TPST2: variants seen among roughly 807,000 people sequenced by gnomAD.
TPST2 encodes tyrosylprotein sulfotransferase 2.
Under a neutral mutation model 27.8 loss-of-function variants are expected in TPST2, and 16 were observed. That is an observed-to-expected ratio of 0.58 (90% CI 0.39 to 0.88). The LOEUF (loss-of-function observed/expected upper bound fraction) is 0.88, where lower values mean the gene tolerates loss of function less well. Among genes scored for constraint, TPST2 ranks in the 40% least tolerant of loss-of-function variants. The pLI is 0.00. For synonymous variants in TPST2, 229 were observed against 231.7 expected (o/e 0.99, Z 0.10); for missense variants, 464 against 543.1 (o/e 0.85, Z 1.45).
chr22:26,528,654 C>G (rs1420059654), intron 5 of TPST2, among the ~76,000 whole-genome samples: 2 of 152,128 alleles, frequency 1.3e-5, no homozygotes, highest in Non-Finnish European at 2.9e-5. Context: ...GTTCCTGGCA[C>G]ATAGCTCCCC....
At chr22:26,570,053 A>AAGACAGAC (rs1569193966) in intron 1 of TPST2, among the ~76,000 whole-genome samples, 14 of 131,614 alleles carry the variant, frequency 1.1e-4, no homozygotes, top group South Asian at 2.5e-4. Flanking sequence ...GACAGAAAGA[A>AAGACAGAC]AGAAAGAAAG....
chr22:26,546,791 A>G (rs73421364), intron 1 of TPST2, among the ~76,000 whole-genome samples: 2,071 of 152,342 alleles, frequency 0.014, 40 homozygotes, highest in African/African-American at 0.047. Context: ...GGGTAGGCCA[A>G]TGATGGCCCA....
At chr22:26,537,055 C>CAA (rs35028987) in intron 3 of TPST2, among the ~76,000 whole-genome samples, 8,727 of 145,504 alleles carry the variant, frequency 0.06, 299 homozygotes, top group Middle Eastern at 0.083. Context: ...GACCCTGTCT[C>CAA]AAAAAAAAAA....
chr22:26,554,907 C>T (rs1176759367), intron 1 of TPST2, among the ~76,000 whole-genome samples: 1 of 151,342 alleles, frequency 6.6e-6, no homozygotes, highest in African/African-American at 2.4e-5. Context: ...CACTGCACTC[C>T]AGCCTGGGTG....
chr22:26,528,214 C>CT lies in TPST2; in HGVS notation c.*6dup. 6.4e-7 allele frequency: 1 copy of CT among 1,561,304 alleles called. No homozygotes were observed. The highest frequency in any genetic ancestry group is 8.7e-7 in the Non-Finnish European group (1 of 1,151,172). On this transcript the variant is annotated splice_region_variant and 3_prime_UTR_variant, in exon 6 of 7. Coordinates refer to ENST00000338754, the MANE Select transcript of TPST2 (RefSeq NM_003595.5). ...CCCCCAGTGAAGTCCACAGGCTTAC[C>CT]TGGAAATCACGAGCTTCCTAAGTGG...
chr22:26,581,943 G>A (rs1928130914), intron 1 of TPST2, among the ~76,000 whole-genome samples: 1 of 152,180 alleles, frequency 6.6e-6, no homozygotes, highest in South Asian at 2.1e-4. Context: ...AATAAGCATA[G>A]CTGTGTTCCG....
rs1569172388 is a variant in TPST2, at chr22:26,522,699, A to C, written c.*3576T>G. 1 of 152,276 alleles carries C rather than the reference A, an allele frequency of 6.6e-6. No individual in the cohort carries two copies. The highest frequency in any genetic ancestry group is 1.5e-5 in the Non-Finnish European group (1 of 68,080). 9.4% of individuals were successfully genotyped at this position (152,276 alleles called of 1,614,324 possible). On this transcript the variant is annotated 3_prime_UTR_variant, in exon 7 of 7. Transcript: ENST00000338754. Reference sequence around the variant, plus strand: ...CTGCTAACAGCCTAAGGGCCTAGCCAAAGTGGAATGCTCAAAAAAGATGGT... The same window carrying C: ...CTGCTAACAGCCTAAGGGCCTAGCCCAAGTGGAATGCTCAAAAAAGATGGT...
chr22:26,568,664 T>G (rs2147228077), intron 1 of TPST2, among the ~76,000 whole-genome samples: 1 of 152,266 alleles, frequency 6.6e-6, no homozygotes, highest in East Asian at 1.9e-4. Flanking sequence ...GAAGTTACCC[T>G]ATATGGTCTA....
At chr22:26,538,500 T>G (rs1925607768) in intron 3 of TPST2, among the ~76,000 whole-genome samples, 1 of 152,178 alleles carries the variant, frequency 6.6e-6, no homozygotes. Context: ...TGGCAATCCG[T>G]GTAGCAGCCT....
At chr22:26,565,009 C>T (rs1266076221) in intron 1 of TPST2, among the ~76,000 whole-genome samples, 1 of 152,138 alleles carries the variant, frequency 6.6e-6, no homozygotes, top group Non-Finnish European at 1.5e-5. Flanking sequence ...TCTGCAGACC[C>T]CCCACTGAGA....
At chr22:26,577,956 G>A (rs1927923689) in intron 1 of TPST2, among the ~76,000 whole-genome samples, 1 of 152,032 alleles carries the variant, frequency 6.6e-6, no homozygotes, top group Non-Finnish European at 1.5e-5. Context: ...GCCTGGCCGA[G>A]TTTCATTTCT....
chr22:26,548,985 G>A (rs748773738), intron 1 of TPST2, among the ~76,000 whole-genome samples: 1 of 152,068 alleles, frequency 6.6e-6, no homozygotes, highest in Non-Finnish European at 1.5e-5. Flanking sequence ...AAAAAAATCT[G>A]AAATCCAAAA....
intron 1 of TPST2, among the ~76,000 whole-genome samples, chr22:26,576,206 A>G (rs2147236077): frequency 6.6e-6 from 1 of 152,172 alleles, no homozygotes; most frequent in East Asian, 1.9e-4. Flanking sequence ...ATGGGGCTCC[A>G]CCCCATATGC....
At chr22:26,582,411 G>A (rs940264236) in intron 1 of TPST2, among the ~76,000 whole-genome samples, 2 of 152,056 alleles carry the variant, frequency 1.3e-5, no homozygotes, top group Non-Finnish European at 2.9e-5. Context: ...TGGGCAACAA[G>A]ATCGAAACTC....
chr22:26,548,835 G>C (rs937895629), intron 1 of TPST2, among the ~76,000 whole-genome samples: 18 of 151,930 alleles, frequency 1.2e-4, no homozygotes, highest in African/African-American at 4.4e-4. Flanking sequence ...AGGTGTGGTG[G>C]TGCTTGCCTG....
chr22:26,563,908 AC>A (rs1325091060), intron 1 of TPST2, among the ~76,000 whole-genome samples: 1 of 152,034 alleles, frequency 6.6e-6, no homozygotes, highest in Non-Finnish European at 1.5e-5. Context: ...CATGCACAAT[AC>A]GATTTGAGAA....
chr22:26,560,572 A>G, intron 1 of TPST2: 2 of 890,796 alleles, frequency 2.2e-6, no homozygotes, highest in South Asian at 2.6e-5. Flanking sequence ...ATGTCATCAC[A>G]TGCATTTTTT....
intron 4 of TPST2, among the ~76,000 whole-genome samples, chr22:26,535,616 A>G (rs780145020): frequency 6.6e-6 from 1 of 152,162 alleles, no homozygotes; most frequent in Non-Finnish European, 1.5e-5. Flanking sequence ...CCGCCTTTAT[A>G]AAAATTAAAA....
Position 26,539,759 on chromosome 22 carries a change from ACC to A in TPST2, c.842+1028_842+1029del, listed in dbSNP as rs533251452. Among the ~76,000 whole-genome samples, 1,397 of 152,158 alleles carry A rather than the reference ACC, an allele frequency of 9.2e-3. 21 individuals carry two copies. The highest frequency in any genetic ancestry group is 0.032 in the African/African-American group (1,322 of 41,510). On this transcript the variant is annotated intron_variant, in intron 3 of 6. Transcript: ENST00000338754. ...ACTCCAGCCTGGGCAACAGAGTGAA[ACC>A]CTGTCTCAAAAAAACAAAAACAAAA...
Sources: gnomAD v4.1 joint callset for allele counts (sites outside exome capture counted in the v4.1 genomes callset) on GRCh38, gnomAD v4.1.1 for gene constraint, MANE v1.5 for transcripts, NCBI Gene and HGNC (gene_info 2026-07-23, HGNC 2026-07-21) for gene names.